NGEF: variants seen among roughly 807,000 people sequenced by gnomAD.
The protein encoded by NGEF is ephexin-1.
In NGEF, 31 loss-of-function variants were observed where a neutral mutation model predicts 80.9. That is an observed-to-expected ratio of 0.38 (90% CI 0.29 to 0.52). The LOEUF is 0.52. Ranked by LOEUF, NGEF falls within the 20% of genes least tolerant of loss-of-function variation. The pLI is 0.84. For missense variants in NGEF, 709 were observed against 926.2 expected (o/e 0.77, Z 3.04); for synonymous variants, 371 against 370.2 (o/e 1.00, Z -0.03).
intron 5 of NGEF, among the ~76,000 whole-genome samples, chr2:232,906,709 T>A (rs79321648): frequency 4.3e-5 from 1 of 23,218 alleles, no homozygotes; most frequent in Non-Finnish European, 1.0e-4. Flanking sequence ...GAACGGGCCA[T>A]GATGACAATG....
chr2:232,895,988 C>T (rs1476473622), intron 5 of NGEF, among the ~76,000 whole-genome samples: 1 of 152,034 alleles, frequency 6.6e-6, no homozygotes, highest in Non-Finnish European at 1.5e-5. Flanking sequence ...TCCCGGCTCA[C>T]CTTCCTCCCT....
At chr2:232,939,862 T>G (rs1439959183) in intron 3 of NGEF, among the ~76,000 whole-genome samples, 2 of 152,054 alleles carry the variant, frequency 1.3e-5, no homozygotes, top group Non-Finnish European at 2.9e-5. Context: ...CTGGGCGTGG[T>G]GCTGCACGCC....
chr2:233,011,848 C>A (rs1695213865), intron 1 of NGEF, among the ~76,000 whole-genome samples: 1 of 152,152 alleles, frequency 6.6e-6, no homozygotes, highest in South Asian at 2.1e-4. Flanking sequence ...ATTGGATCAA[C>A]CCCTGGCTTT....
chr2:232,924,731 C>T (rs76323236), intron 4 of NGEF, among the ~76,000 whole-genome samples: 2 of 152,338 alleles, frequency 1.3e-5, no homozygotes, highest in East Asian at 3.9e-4. Flanking sequence ...GACTCATTAA[C>T]TGAGATGAGA....
chr2:232,953,171 G>A (rs756246958), intron 3 of NGEF, among the ~76,000 whole-genome samples: 39 of 151,074 alleles, frequency 2.6e-4, no homozygotes, highest in Non-Finnish European at 3.4e-4. Flanking sequence ...GTGTGGTGGC[G>A]CGTGCCTGTA....
chr2:232,891,716 CTG>C (rs2106229520), intron 7 of NGEF, among the ~76,000 whole-genome samples: 1 of 152,322 alleles, frequency 6.6e-6, no homozygotes, highest in Admixed American at 6.5e-5. Context: ...CAATATGCTG[CTG>C]TGTGTGGGAG....
chr2:232,979,561 T>C (rs2106326942), intron 1 of NGEF, among the ~76,000 whole-genome samples: 1 of 152,316 alleles, frequency 6.6e-6, no homozygotes, highest in Admixed American at 6.5e-5. Flanking sequence ...CCCAATCTTC[T>C]GATGTTCCCT....
rs1448143710 is a variant in NGEF, at chr2:232,879,435, C to A, written c.*54G>T. On this transcript the variant is annotated 3_prime_UTR_variant, in exon 15 of 15. Coordinates refer to ENST00000264051, the MANE Select transcript of NGEF (RefSeq NM_019850.3). ...GCTTCCCAGAGCCCCCCCCCCCCCA[C>A]CTTCTGTCGGGGTCTCATGCAGGCC... The A allele has an allele frequency of 4.2e-6, 6 of 1,443,734 alleles. No homozygotes were observed. In the East Asian group the frequency reaches 6.9e-5, roughly 17 times the overall value. The allele number at this position is 1,443,734 out of a possible 1,614,324, so 89.4% of individuals were successfully genotyped here.
chr2:232,909,390 T>C (rs1029038012), intron 5 of NGEF, among the ~76,000 whole-genome samples: 22 of 152,162 alleles, frequency 1.4e-4, no homozygotes, highest in Admixed American at 1.4e-3. Flanking sequence ...ATGTATATGA[T>C]TCATTTAATC....
chr2:232,986,912 T>A (rs911428446), intron 1 of NGEF, among the ~76,000 whole-genome samples: 1 of 152,212 alleles, frequency 6.6e-6, no homozygotes, highest in African/African-American at 2.4e-5. Flanking sequence ...TCTTTAAAAA[T>A]TATATACACA....
At chr2:232,952,118 G>T (rs146268763) in intron 3 of NGEF, among the ~76,000 whole-genome samples, 1 of 152,244 alleles carries the variant, frequency 6.6e-6, no homozygotes, top group African/African-American at 2.4e-5. Flanking sequence ...ACGGGGTGAG[G>T]GTCATGCCTC....
chr2:232,996,126 A>C (rs183315627), intron 1 of NGEF, among the ~76,000 whole-genome samples: 1 of 152,266 alleles, frequency 6.6e-6, no homozygotes, highest in Admixed American at 6.5e-5. Flanking sequence ...AAAACTGACC[A>C]ATTCCAGCCT....
intron 3 of NGEF, chr2:232,927,883 C>T: frequency 7.8e-7 from 1 of 1,282,222 alleles, no homozygotes; most frequent in Non-Finnish European, 9.8e-7. Flanking sequence ...GGACAGGCGC[C>T]CGTCCTCACC....
Position 232,982,809 on chromosome 2 carries a change from C to T in NGEF, c.-74-7845G>A, listed in dbSNP as rs574862456. ...GATTACAGGCTTGAGCCACTGCGCC[C>T]GGCAGCCTTGGGCCTTTTTTCTCCC... On this transcript the variant is annotated intron_variant, in intron 1 of 14. Coordinates refer to ENST00000264051, the MANE Select transcript of NGEF (RefSeq NM_019850.3). Among the ~76,000 whole-genome samples, 10 of 152,306 alleles carry T rather than the reference C, an allele frequency of 6.6e-5. No homozygotes were observed. In the South Asian group the frequency reaches 1.0e-3, roughly 16 times the overall value.
At chr2:232,959,781 G>A (rs1693906844) in intron 3 of NGEF, among the ~76,000 whole-genome samples, 1 of 152,166 alleles carries the variant, frequency 6.6e-6, no homozygotes, top group South Asian at 2.1e-4. Flanking sequence ...GTTTCTCCAT[G>A]TTGGTCAGGC....
At chr2:232,950,979 A>G (rs1261117995) in intron 3 of NGEF, among the ~76,000 whole-genome samples, 1 of 152,178 alleles carries the variant, frequency 6.6e-6, no homozygotes, top group Non-Finnish European at 1.5e-5. Context: ...CAGTATCTCC[A>G]AGCCCTGACA....
chr2:232,977,827 T>G (rs536027640), intron 1 of NGEF, among the ~76,000 whole-genome samples: 77 of 152,136 alleles, frequency 5.1e-4, no homozygotes, highest in Admixed American at 4.4e-3. Flanking sequence ...CACAGGTGAG[T>G]ACCTGGACAG....
At chr2:232,915,970 C>A (rs1692793743) in intron 5 of NGEF, among the ~76,000 whole-genome samples, 1 of 152,202 alleles carries the variant, frequency 6.6e-6, no homozygotes, top group African/African-American at 2.4e-5. Flanking sequence ...GGATTACAGG[C>A]AAGAGCCTCT....
chr2:232,904,472 A>G (rs1312956152), intron 5 of NGEF, among the ~76,000 whole-genome samples: 2 of 152,148 alleles, frequency 1.3e-5, no homozygotes, highest in Non-Finnish European at 2.9e-5. Context: ...CAGGTGATCC[A>G]CCTGCTTTGG....
Sources: allele counts gnomAD v4.1 joint callset (sites outside exome capture counted in the v4.1 genomes callset), GRCh38; gene constraint gnomAD v4.1.1; transcripts MANE v1.5; gene names NCBI Gene and HGNC (gene_info 2026-07-23, HGNC 2026-07-21).